Variants in MGAM observed in about 807,000 individuals in gnomAD.
The protein encoded by MGAM is maltase-glucoamylase, also known as alpha-1,4-glucosidase.
Under a neutral mutation model 358.8 loss-of-function variants are expected in MGAM, and 253 were observed. That is an observed-to-expected ratio of 0.71 (90% CI 0.64 to 0.78). The LOEUF (loss-of-function observed/expected upper bound fraction) is 0.78, where lower values mean the gene tolerates loss of function less well. Among genes scored for constraint, MGAM ranks in the 30% least tolerant of loss-of-function variants. The pLI is 0.00. For missense variants in MGAM, 3,080 were observed against 3,432.6 expected (o/e 0.90, Z 2.57); for synonymous variants, 1,105 against 1,227.1 (o/e 0.90, Z 2.08).
intron 43 of MGAM, among the ~76,000 whole-genome samples, chr7:142,069,107 C>G (rs1461907921): frequency 6.9e-6 from 1 of 145,958 alleles, no homozygotes; most frequent in African/African-American, 2.4e-5. Flanking sequence ...AGCATAGAGG[C>G]CGTTTTGTCT....
chr7:142,047,546 C>T (rs1563162317), intron 21 of MGAM, among the ~76,000 whole-genome samples: 1 of 152,106 alleles, frequency 6.6e-6, no homozygotes, highest in Non-Finnish European at 1.5e-5. Flanking sequence ...GCCTCTGGTG[C>T]TTAAGTTCTT....
intron 14 of MGAM, among the ~76,000 whole-genome samples, chr7:142,033,831 G>T (rs1425871019): frequency 6.6e-6 from 1 of 152,126 alleles, no homozygotes; most frequent in African/African-American, 2.4e-5. Context: ...TGCAATGGGA[G>T]CAGAGAGGAA....
intron 18 of MGAM, among the ~76,000 whole-genome samples, chr7:142,037,355 C>T (rs546618080): frequency 3.0e-4 from 46 of 152,124 alleles, no homozygotes; most frequent in Non-Finnish European, 5.3e-4. Flanking sequence ...CTGTAATGCA[C>T]TATAATGCCA....
At chr7:142,063,979 T>C (rs1440011529) in intron 36 of MGAM, among the ~76,000 whole-genome samples, 4 of 152,190 alleles carry the variant, frequency 2.6e-5, no homozygotes, top group Admixed American at 6.5e-5. Context: ...ATATCTTGGC[T>C]CCAGAAATTG....
intron 65 of MGAM, among the ~76,000 whole-genome samples, chr7:142,097,229 G>A (rs976219902): frequency 6.6e-6 from 1 of 152,120 alleles, no homozygotes; most frequent in Non-Finnish European, 1.5e-5. Flanking sequence ...GAGCCACCGT[G>A]TCCAGCCCGC....
chr7:142,094,406 C>A lies in MGAM; in HGVS notation c.7215C>A (p.Thr2405=), dbSNP rs1226547383. The part of the protein sequence containing the change: ...EVTGQRGVVI[T]RSTFPSSGRW... ...CAGGACAGCGAGGGGTCGTCATCACCCGCTCCACATTTCCCTCTTCTGGCC... is the reference window on the plus strand; with the variant it reads ...CAGGACAGCGAGGGGTCGTCATCACACGCTCCACATTTCCCTCTTCTGGCC... The change falls in exon 61 of 71, where the codon ACC becomes ACA. Residue 2405 remains threonine (T), a synonymous_variant. Coordinates refer to ENST00000475668, the MANE Select transcript of MGAM (RefSeq NM_001365693.1). The A allele has an allele frequency of 1.3e-6, 2 of 1,533,994 alleles. No homozygotes were observed. Among genetic ancestry groups the A allele is most frequent in the Admixed American group, 3.6e-5 (2 of 55,540 alleles).
At chr7:142,023,633 C>T (rs1254919911) in intron 7 of MGAM, among the ~76,000 whole-genome samples, 3 of 151,934 alleles carry the variant, frequency 2.0e-5, no homozygotes, top group African/African-American at 4.8e-5. Flanking sequence ...GAGCCGAGAT[C>T]GCGCCACTGC....
In MGAM at chr7:142,094,317, G is replaced by T; in HGVS notation, c.7173-47G>T. On this transcript the variant is annotated intron_variant, in intron 60 of 70. Transcript: ENST00000475668. ...TGGGAGCAGATGCTCTATGGCCTTTGCTTCCTGGCGGTGCCCTCAGTTCAC... is the reference window on the plus strand; with the variant it reads ...TGGGAGCAGATGCTCTATGGCCTTTTCTTCCTGGCGGTGCCCTCAGTTCAC... 2 of 1,492,592 alleles carry T rather than the reference G, an allele frequency of 1.3e-6. 1 individual carries two copies. The highest frequency in any genetic ancestry group is 1.8e-6 in the Non-Finnish European group (2 of 1,100,524). 92.5% of individuals were successfully genotyped at this position (1,492,592 alleles called of 1,614,324 possible).
In MGAM at chr7:142,103,338, A is replaced by C. The variant is rs1311599602; in HGVS notation, c.8083A>C (p.Ile2695Leu). The stretch of plus-strand genomic sequence containing the variant: ...TACAAATCCTTTGAAACTGGGCTAC[A>C]TTGAAATCTGGGGAGTGGGCAGTGT... ...TGTNPLKLGYIEIWGVGSVPV... is the reference protein window; with the variant it reads ...TGTNPLKLGYLEIWGVGSVPV... The change falls in exon 70 of 71, where the codon ATT (isoleucine) becomes CTT (leucine). Residue 2695 changes from isoleucine to leucine, a missense_variant. Coordinates refer to ENST00000475668, the MANE Select transcript of MGAM (RefSeq NM_001365693.1). The C allele has an allele frequency of 6.2e-7, 1 of 1,613,144 alleles. No individual in the cohort carries two copies. The highest frequency in any genetic ancestry group is 8.5e-7 in the Non-Finnish European group (1 of 1,179,470).
intron 18 of MGAM, among the ~76,000 whole-genome samples, chr7:142,038,156 C>A (rs898390505): frequency 6.6e-6 from 1 of 152,064 alleles, no homozygotes; most frequent in Non-Finnish European, 1.5e-5. Context: ...TGATGTTTGT[C>A]TTTATATGCC....
chr7:142,031,542 A>G (rs1430107931), intron 12 of MGAM, 138 bp from the exon 13 acceptor site: 2 of 589,370 alleles, frequency 3.4e-6, no homozygotes, highest in Non-Finnish European at 6.0e-6. Context: ...TGAGCACCGC[A>G]CCTTCTTAAC....
At chr7:142,032,697 C>T in intron 13 of MGAM, 128 bp from the exon 14 acceptor site, 1 of 593,262 alleles carries the variant, frequency 1.7e-6, no homozygotes, top group Non-Finnish European at 2.9e-6. Flanking sequence ...CTACTCTATT[C>T]CATTTATACA....
intron 12 of MGAM, 139 bp from the exon 13 acceptor site, chr7:142,031,541 C>T: frequency 1.7e-6 from 1 of 587,162 alleles, no homozygotes; most frequent in Non-Finnish European, 3.0e-6. Flanking sequence ...GTGAGCACCG[C>T]ACCTTCTTAA....
chr7:142,031,147 AT>A (rs1176067602), intron 12 of MGAM, among the ~76,000 whole-genome samples: 1 of 151,874 alleles, frequency 6.6e-6, no homozygotes, highest in Admixed American at 6.6e-5. Context: ...TTCTTACTCA[AT>A]TTTCCTGCAT....
intron 19 of MGAM, among the ~76,000 whole-genome samples, chr7:142,039,784 G>A (rs1240635748): frequency 6.6e-6 from 1 of 152,034 alleles, no homozygotes; most frequent in Non-Finnish European, 1.5e-5. Flanking sequence ...CTGCAGAGGG[G>A]TAATACTACT....
In MGAM at chr7:142,094,245, G is replaced by A. The variant is rs536581537; in HGVS notation, c.7173-119G>A. Reference sequence around the variant, plus strand: ...AGCCCCCATTACAGCTCAGAGTCCCGTGTTCCCTCCAATCACGCAGCAAAC... The same window carrying A: ...AGCCCCCATTACAGCTCAGAGTCCCATGTTCCCTCCAATCACGCAGCAAAC... On this transcript the variant is annotated intron_variant, in intron 60 of 70. Transcript: ENST00000475668. The A allele has an allele frequency of 1.1e-5, 13 of 1,231,416 alleles. 1 individual carries two copies. The highest frequency in any genetic ancestry group is 2.1e-5 in the Admixed American group (1 of 46,656). The allele number at this position is 1,231,416 out of a possible 1,614,324, so 76.3% of individuals were successfully genotyped here.
At position 142,026,142 on chromosome 7, in the gene MGAM, C is replaced by A. The variant is rs1806944982; in HGVS notation, c.983-973C>A. Among the ~76,000 whole-genome samples the A allele has an allele frequency of 4.6e-5, 7 of 151,978 alleles. No individual in the cohort carries two copies. The South Asian group carries it at 1.5e-3, about 32-fold the overall frequency. ...GATACGAATCAAGGTAATGACACAA[C>A]TTTTAAGAATGGTGATTGGCACATA... On this transcript the variant is annotated intron_variant, in intron 8 of 70. Transcript: ENST00000475668.
intron 34 of MGAM, among the ~76,000 whole-genome samples, chr7:142,060,783 C>T (rs1812099997): frequency 6.6e-6 from 1 of 152,080 alleles, no homozygotes; most frequent in African/African-American, 2.4e-5. Context: ...AGTCTTCAAC[C>T]CTCGAAGACT....
intron 1 of MGAM, among the ~76,000 whole-genome samples, chr7:141,999,006 A>G (rs1804515535): frequency 6.6e-6 from 1 of 152,058 alleles, no homozygotes; most frequent in South Asian, 2.1e-4. Flanking sequence ...CCATATACTT[A>G]CACAGTATAA....
Sources: gnomAD v4.1 joint callset for allele counts (sites outside exome capture counted in the v4.1 genomes callset) on GRCh38, gnomAD v4.1.1 for gene constraint, MANE v1.5 for transcripts, NCBI Gene and HGNC (gene_info 2026-07-23, HGNC 2026-07-21) for gene names.